Variants in ARHGAP26 observed in about 807,000 individuals in gnomAD.
ARHGAP26 encodes rho GTPase-activating protein 26.
Under a neutral mutation model 104.8 loss-of-function variants are expected in ARHGAP26, and 38 were observed. That is an observed-to-expected ratio of 0.36 (90% confidence interval 0.28 to 0.48). The LOEUF is 0.48. Among genes scored for constraint, ARHGAP26 ranks in the 20% least tolerant of loss-of-function variants. The pLI is 0.99. For missense variants in ARHGAP26, 704 were observed against 947.9 expected, an observed-to-expected ratio of 0.74 and a Z score of 3.38; for synonymous variants, 341 against 340.0, an observed-to-expected ratio of 1.00 and a Z score of -0.03.
chr5:142,962,132 T>C (rs1183340373), intron 11 of ARHGAP26, among the ~76,000 whole-genome samples: 1 of 152,200 alleles, frequency 6.6e-6, no homozygotes, highest in Non-Finnish European at 1.5e-5. Flanking sequence ...TTTTCCAAAA[T>C]AAAACTCTAC....
At chr5:143,178,289 C>T (rs962505641) in intron 20 of ARHGAP26, among the ~76,000 whole-genome samples, 18 of 152,188 alleles carry the variant, frequency 1.2e-4, no homozygotes, top group East Asian at 9.6e-4. Context: ...CGTGAGCCAC[C>T]GTGCCCAGCC....
At chr5:143,042,508 A>G (rs1783617598) in intron 14 of ARHGAP26, among the ~76,000 whole-genome samples, 1 of 152,248 alleles carries the variant, frequency 6.6e-6, no homozygotes, top group Non-Finnish European at 1.5e-5. Context: ...CCATGAGTCC[A>G]TGAGCCAAAT....
At chr5:142,836,133 A>T (rs1034976215) in intron 1 of ARHGAP26, among the ~76,000 whole-genome samples, 1 of 152,176 alleles carries the variant, frequency 6.6e-6, no homozygotes, top group East Asian at 1.9e-4. Flanking sequence ...TCATCAACCC[A>T]CTTCCCTCCT....
chr5:142,919,346 G>A (rs1762897022), intron 10 of ARHGAP26: 1 of 398,602 alleles, frequency 2.5e-6, no homozygotes, highest in South Asian at 1.3e-4. Context: ...TAGAGGAGAG[G>A]CATGGAGCAG....
At chr5:143,172,948 T>G (rs1186575008) in intron 20 of ARHGAP26, 1 of 179,458 alleles carries the variant, frequency 5.6e-6, no homozygotes, top group Non-Finnish European at 1.2e-5. Context: ...CTGGAATTCT[T>G]GTCTCCATAG....
intron 5 of ARHGAP26, among the ~76,000 whole-genome samples, chr5:142,893,202 T>C (rs1758944668): frequency 1.3e-5 from 2 of 152,080 alleles, no homozygotes; most frequent in East Asian, 3.8e-4. Context: ...TGTCTCGATC[T>C]CTTGACCTCG....
intron 20 of ARHGAP26, among the ~76,000 whole-genome samples, chr5:143,181,486 G>C (rs971408299): frequency 6.6e-6 from 1 of 152,068 alleles, no homozygotes; most frequent in Non-Finnish European, 1.5e-5. Flanking sequence ...GAGAACTCTC[G>C]CGTGTTAGGG....
At chr5:142,866,280 GA>G (rs1754268098) in intron 1 of ARHGAP26, among the ~76,000 whole-genome samples, 1 of 152,146 alleles carries the variant, frequency 6.6e-6, no homozygotes, top group African/African-American at 2.4e-5. Flanking sequence ...TTGAGTAAAT[GA>G]GGCAATATAG....
At chr5:142,957,414 A>G (rs1300734926) in intron 11 of ARHGAP26, among the ~76,000 whole-genome samples, 1 of 152,218 alleles carries the variant, frequency 6.6e-6, no homozygotes, top group African/African-American at 2.4e-5. Flanking sequence ...TTCAAAATAA[A>G]GTTCCATTTA....
chr5:142,816,063 A>G (rs1765074755), intron 1 of ARHGAP26, among the ~76,000 whole-genome samples: 1 of 151,540 alleles, frequency 6.6e-6, no homozygotes, highest in Non-Finnish European at 1.5e-5. Context: ...CTTCCAGTGT[A>G]TTGGGATTAC....
chr5:143,063,664 C>CCTG (rs1172276949), intron 17 of ARHGAP26, among the ~76,000 whole-genome samples: 5 of 152,322 alleles, frequency 3.3e-5, no homozygotes, highest in African/African-American at 1.2e-4. Flanking sequence ...TACCCACCTC[C>CCTG]CTGCTCCATC....
intron 1 of ARHGAP26, among the ~76,000 whole-genome samples, chr5:142,819,755 T>C (rs1222234079): frequency 6.6e-6 from 1 of 152,238 alleles, no homozygotes; most frequent in African/African-American, 2.4e-5. Context: ...AATCATTACA[T>C]AGAAAATTTA....
intron 12 of ARHGAP26, among the ~76,000 whole-genome samples, chr5:143,015,247 A>G (rs1462737148): frequency 6.6e-6 from 1 of 152,214 alleles, no homozygotes; most frequent in Non-Finnish European, 1.5e-5. Context: ...TAATTAGGTA[A>G]GATTGTTTTA....
chr5:142,946,239 A>G (rs778730733), intron 11 of ARHGAP26, among the ~76,000 whole-genome samples: 5 of 152,004 alleles, frequency 3.3e-5, no homozygotes, highest in Admixed American at 6.5e-5. Context: ...TACCCTATCT[A>G]CTCACATCAT....
chr5:143,058,653 C>T (rs751685116), intron 17 of ARHGAP26, among the ~76,000 whole-genome samples: 1 of 152,262 alleles, frequency 6.6e-6, no homozygotes, highest in Non-Finnish European at 1.5e-5. Flanking sequence ...ATAGTCCATA[C>T]TTTGCTATGC....
chr5:143,190,527 T>C, intron 20 of ARHGAP26, among the ~76,000 whole-genome samples: 1 of 151,850 alleles, frequency 6.6e-6, no homozygotes, highest in East Asian at 1.9e-4. Flanking sequence ...TCAGCAAAAC[T>C]ATTCTTCTCA....
chr5:142,873,872 A>G (rs1489986816), intron 2 of ARHGAP26, among the ~76,000 whole-genome samples: 1 of 152,250 alleles, frequency 6.6e-6, no homozygotes, highest in East Asian at 1.9e-4. Context: ...TTGCAAAATA[A>G]TAGGCTGAGA....
intron 1 of ARHGAP26, among the ~76,000 whole-genome samples, chr5:142,844,479 C>A (rs527886131): frequency 6.6e-6 from 1 of 151,356 alleles, no homozygotes; most frequent in South Asian, 2.1e-4. Flanking sequence ...AGGACAATTT[C>A]CCAAGAAAAA....
intron 16 of ARHGAP26, among the ~76,000 whole-genome samples, chr5:143,057,319 C>T (rs556779500): frequency 6.6e-6 from 1 of 152,238 alleles, no homozygotes; most frequent in East Asian, 1.9e-4. Flanking sequence ...GAAGTCTTCC[C>T]TCTAGGGAGC....
Sources: gnomAD v4.1 joint callset for allele counts (sites outside exome capture counted in the v4.1 genomes callset) on GRCh38, gnomAD v4.1.1 for gene constraint, MANE v1.5 for transcripts, NCBI Gene and HGNC (gene_info 2026-07-23, HGNC 2026-07-21) for gene names.